ERC1: variants seen among roughly 807,000 people sequenced by gnomAD.
ERC1 encodes RAB6 interacting protein 2.
A neutral mutation model predicts 132.0 loss-of-function variants in ERC1; 56 were observed. The ratio of observed to expected loss-of-function variants is 0.42; its 90% CI spans 0.34 to 0.53. ERC1 has a LOEUF of 0.53. ERC1 is among the 20% of genes least tolerant of loss of function. ERC1 has a pLI of 0.03. For missense variants in ERC1, 1,202 were observed against 1,349.9 expected, an observed-to-expected ratio of 0.89 and a Z score of 1.72; for synonymous variants, 478 against 476.1, an observed-to-expected ratio of 1.00 and a Z score of -0.05.
intron 15 of ERC1, among the ~76,000 whole-genome samples, chr12:1,300,158 G>T (rs981512141): frequency 6.6e-6 from 1 of 151,982 alleles, no homozygotes; most frequent in Non-Finnish European, 1.5e-5. Flanking sequence ...CAGAAATAAG[G>T]CTGTACACCT....
intron 14 of ERC1, among the ~76,000 whole-genome samples, chr12:1,268,946 G>A (rs2077644494): frequency 6.6e-6 from 1 of 152,028 alleles, no homozygotes; most frequent in African/African-American, 2.4e-5. Context: ...GAGAGAGTAA[G>A]GGAGATCCTT....
intron 9 of ERC1, 48 bp from the exon 10 acceptor site, chr12:1,181,877 T>C (rs1177253838): frequency 3.2e-6 from 5 of 1,567,948 alleles, no homozygotes; most frequent in Non-Finnish European, 4.3e-6. Flanking sequence ...TACAGTCATA[T>C]AAGTGCAAAA....
chr12:1,121,931 GT>G (rs1947332603), intron 7 of ERC1, among the ~76,000 whole-genome samples: 2 of 1,094 alleles, frequency 1.8e-3, no homozygotes, highest in Non-Finnish European at 6.6e-3. Flanking sequence ...CTCTATCTGT[GT>G]CTCTATCTAT....
chr12:990,734 C>A (rs1355074954), upstream of ERC1: 1 of 152,208 alleles, frequency 6.6e-6, no homozygotes, highest in Non-Finnish European at 1.5e-5. Context: ...TCGATCCCGG[C>A]GCTGCTCCCG....
chr12:1,351,978 A>C (rs1226178601), intron 15 of ERC1, among the ~76,000 whole-genome samples: 1 of 152,178 alleles, frequency 6.6e-6, no homozygotes, highest in East Asian at 1.9e-4. Context: ...ACGGTTGGTA[A>C]GTAAATCACT....
intron 16 of ERC1, among the ~76,000 whole-genome samples, chr12:1,384,726 A>G (rs1263143517): frequency 6.6e-6 from 1 of 152,194 alleles, no homozygotes; most frequent in Non-Finnish European, 1.5e-5. Context: ...TAAATAAATA[A>G]ATTGTTGAGC....
intron 7 of ERC1, among the ~76,000 whole-genome samples, chr12:1,125,190 T>G (rs766976455): frequency 2.6e-5 from 4 of 151,898 alleles, no homozygotes; most frequent in Non-Finnish European, 2.9e-5. Flanking sequence ...GAAATGGGGT[T>G]TCACTGTGTT....
intron 8 of ERC1, among the ~76,000 whole-genome samples, chr12:1,144,549 A>T (rs207472607): frequency 2.1e-5 from 3 of 145,690 alleles, no homozygotes; most frequent in Non-Finnish European, 4.5e-5. Flanking sequence ...ATGGTCTCCA[A>T]CTCCATCCAG....
At chr12:1,413,663 A>T (rs879868901) in intron 17 of ERC1, among the ~76,000 whole-genome samples, 1 of 152,224 alleles carries the variant, frequency 6.6e-6, no homozygotes, top group African/African-American at 2.4e-5. Context: ...CTGCTCAGGC[A>T]TTCATGTTAG....
At chr12:1,048,793 T>C (rs1290336753) in intron 2 of ERC1, among the ~76,000 whole-genome samples, 1 of 152,240 alleles carries the variant, frequency 6.6e-6, no homozygotes, top group Non-Finnish European at 1.5e-5. Flanking sequence ...GTAGCTCTAA[T>C]TGCACTAGTA....
intron 14 of ERC1, among the ~76,000 whole-genome samples, chr12:1,270,265 C>T (rs567977665): frequency 3.3e-5 from 5 of 151,986 alleles, no homozygotes; most frequent in East Asian, 3.9e-4. Context: ...TGGAGTGCAG[C>T]GGTGGGATCT....
rs535557188 is a variant in ERC1, at chr12:1,224,938, C to G, written c.2352-11831C>G. On this transcript the variant is annotated intron_variant, in intron 12 of 18. Coordinates refer to ENST00000360905, the MANE Select transcript of ERC1 (RefSeq NM_178040.4). ...CCTGGGAAATGAGCTATGATTGTGC[C>G]ACTGCAGTTTAGCCTAGGTGAGTAA... is the stretch of plus-strand genomic sequence containing the variant. Among the ~76,000 whole-genome samples the G allele has an allele frequency of 9.9e-5, 15 of 151,882 alleles. No homozygotes were observed. In the East Asian group the frequency reaches 2.7e-3, roughly 27 times the overall value.
intron 15 of ERC1, among the ~76,000 whole-genome samples, chr12:1,355,042 C>T (rs1445078003): frequency 6.6e-6 from 1 of 152,116 alleles, no homozygotes; most frequent in Non-Finnish European, 1.5e-5. Context: ...GTTCCATGAT[C>T]AGTTAAGTTT....
At chr12:1,468,461 G>T (rs1293128608) in intron 18 of ERC1, among the ~76,000 whole-genome samples, 1 of 152,180 alleles carries the variant, frequency 6.6e-6, no homozygotes, top group Admixed American at 6.5e-5. Flanking sequence ...AATTAGCCCA[G>T]CATTGTGTTG....
intron 12 of ERC1, among the ~76,000 whole-genome samples, chr12:1,224,344 A>G (rs1033239957): frequency 2.6e-5 from 4 of 152,184 alleles, no homozygotes; most frequent in Admixed American, 1.3e-4. Context: ...AATTTTCTAT[A>G]CTTTTCTTGG....
intron 1 of ERC1, among the ~76,000 whole-genome samples, chr12:997,770 C>T (rs1294361866): frequency 6.6e-6 from 1 of 152,116 alleles, no homozygotes; most frequent in African/African-American, 2.4e-5. Flanking sequence ...AGGTACCAGC[C>T]TCATTTCCCA....
chr12:1,372,031 C>A, intron 16 of ERC1, 54 bp downstream of exon 16: 1 of 1,587,054 alleles, frequency 6.3e-7, no homozygotes, highest in South Asian at 1.1e-5. Flanking sequence ...ACACCATTCT[C>A]CACACAGGTC....
intron 18 of ERC1, among the ~76,000 whole-genome samples, chr12:1,460,062 G>C (rs2093615566): frequency 6.6e-6 from 1 of 152,156 alleles, no homozygotes. Flanking sequence ...ATTTATACCA[G>C]AATAGACTTA....
intron 14 of ERC1, among the ~76,000 whole-genome samples, chr12:1,272,733 A>C (rs530193175): frequency 1.4e-4 from 21 of 152,142 alleles, no homozygotes; most frequent in Non-Finnish European, 2.6e-4. Context: ...GTGGATGACG[A>C]GGTCAAGAGT....
Sources: gnomAD v4.1 joint callset for allele counts (sites outside exome capture counted in the v4.1 genomes callset) on GRCh38, gnomAD v4.1.1 for gene constraint, MANE v1.5 for transcripts, NCBI Gene and HGNC (gene_info 2026-07-23, HGNC 2026-07-21) for gene names.